Variants in DNA2 observed in about 807,000 individuals in gnomAD.
The protein encoded by DNA2 is DNA replication ATP-dependent helicase/nuclease DNA2.
DNA2 carries 101 observed loss-of-function variants against 119.1 expected under a neutral mutation model. The observed-to-expected ratio is 0.85, with a 90% CI of 0.72 to 1.00. The LOEUF (loss-of-function observed/expected upper bound fraction) is 1.00, where lower values mean the gene tolerates loss of function less well. Ranked by LOEUF, DNA2 falls within the 50% of genes least tolerant of loss-of-function variation. The pLI, the probability that DNA2 is intolerant of heterozygous loss-of-function variation, is 0.00. For synonymous variants in DNA2, 366 were observed against 424.4 expected (o/e 0.86, Z 1.69); for missense variants, 1,121 against 1,255.5 (o/e 0.89, Z 1.62).
At chr10:68,419,322 A>C (rs1438887243) in intron 18 of DNA2, 109 bp from the exon 19 acceptor site, 2 of 819,978 alleles carry the variant, frequency 2.4e-6, no homozygotes, top group Non-Finnish European at 3.6e-6. Context: ...TGTTTATAAC[A>C]AACTTTCCTA....
upstream of DNA2, chr10:68,472,022 C>A (rs763402829): frequency 1.9e-6 from 3 of 1,607,836 alleles, no homozygotes; most frequent in Non-Finnish European, 1.7e-6. Flanking sequence ...CCGCCCCTCC[C>A]GCGCCGGCGC....
At chr10:68,418,159 A>G (rs1235307609) in intron 19 of DNA2, among the ~76,000 whole-genome samples, 2 of 152,240 alleles carry the variant, frequency 1.3e-5, no homozygotes, top group African/African-American at 2.4e-5. Context: ...CACGCCTGGA[A>G]TCCCAGCACT....
intron 9 of DNA2, among the ~76,000 whole-genome samples, chr10:68,441,263 G>A (rs2051963707): frequency 6.8e-6 from 1 of 147,514 alleles, no homozygotes; most frequent in Non-Finnish European, 1.5e-5. Flanking sequence ...TATCCCAGAA[G>A]TTCGAGGCTA....
At chr10:68,417,391 C>CAAAAAAAAAAAA (rs35777569) in intron 19 of DNA2, among the ~76,000 whole-genome samples, 5 of 77,502 alleles carry the variant, frequency 6.5e-5, no homozygotes, top group East Asian at 3.8e-4. Context: ...ATAAGAAAAC[C>CAAAAAAAAAAAA]AAAAAAAAAA....
intron 6 of DNA2, among the ~76,000 whole-genome samples, chr10:68,447,052 G>A (rs541075742): frequency 2.0e-5 from 3 of 152,110 alleles, no homozygotes; most frequent in South Asian, 2.1e-4. Context: ...GATGGATACC[G>A]CATTTACTAT....
At chr10:68,460,168 G>T (rs1046749956) in intron 4 of DNA2, among the ~76,000 whole-genome samples, 2 of 151,500 alleles carry the variant, frequency 1.3e-5, no homozygotes, top group Non-Finnish European at 2.9e-5. Flanking sequence ...GTGTAGTAGC[G>T]CTATCTCGGC....
intron 9 of DNA2, among the ~76,000 whole-genome samples, chr10:68,439,917 A>T (rs1459411359): frequency 6.6e-6 from 1 of 152,002 alleles, no homozygotes; most frequent in Non-Finnish European, 1.5e-5. Context: ...AGGCAGGAGA[A>T]TCGCTTGAAC....
At chr10:68,448,421 T>TA (rs2052070297) in intron 6 of DNA2, among the ~76,000 whole-genome samples, 1 of 152,206 alleles carries the variant, frequency 6.6e-6, no homozygotes, top group South Asian at 2.1e-4. Flanking sequence ...TTAAACCTTT[T>TA]ATTATCAAAA....
chr10:68,415,118 T>C lies in DNA2; in HGVS notation c.3115-11A>G, dbSNP rs1308321591. ...TGGAAGATCAATGATGTAAAATAAA[T>C]TAAGGAAGAAATATTTAGCACAATA... On this transcript the variant is annotated splice_polypyrimidine_tract_variant and intron_variant, in intron 20 of 20. Transcript: ENST00000358410. The C allele has an allele frequency of 1.3e-6, 2 of 1,519,674 alleles. No homozygotes were observed. The highest frequency in any genetic ancestry group is 1.8e-6 in the Non-Finnish European group (2 of 1,114,664). The allele number at this position is 1,519,674 out of a possible 1,614,324, so 94.1% of individuals were successfully genotyped here. A position where few individuals can be genotyped will look rare whatever the true frequency, so the allele number is the denominator to read the frequency against.
intron 2 of DNA2, among the ~76,000 whole-genome samples, chr10:68,469,398 A>G (rs1590079175): frequency 6.6e-6 from 1 of 151,236 alleles, no homozygotes; most frequent in African/African-American, 2.4e-5. Flanking sequence ...TACAAAAAAA[A>G]AAAAAAAAAA....
chr10:68,470,380 A>G, intron 1 of DNA2: 1 of 489,736 alleles, frequency 2.0e-6, no homozygotes, highest in Non-Finnish European at 3.6e-6. Context: ...CATTTCAAAC[A>G]TGCTCATGAT....
intron 9 of DNA2, among the ~76,000 whole-genome samples, chr10:68,437,684 C>CA (rs1360346767): frequency 3.4e-4 from 49 of 143,354 alleles, no homozygotes; most frequent in African/African-American, 1.4e-3. Flanking sequence ...CAAAACAAAA[C>CA]AGACTAATAT....
intron 5 of DNA2, among the ~76,000 whole-genome samples, chr10:68,454,356 C>CAAA (rs562333641): frequency 8.6e-6 from 1 of 116,486 alleles, no homozygotes; most frequent in African/African-American, 3.0e-5. Flanking sequence ...TAATTTTAAC[C>CAAA]AAAAAAAAAA....
intron 13 of DNA2, 74 bp downstream of exon 13, chr10:68,431,788 A>G (rs977179809): frequency 2.0e-4 from 189 of 958,054 alleles, no homozygotes; most frequent in Non-Finnish European, 2.6e-4. Context: ...TTTGATATTC[A>G]ATATTACATC....
chr10:68,446,092 C>T (rs1043965571), intron 7 of DNA2, among the ~76,000 whole-genome samples: 1 of 152,098 alleles, frequency 6.6e-6, no homozygotes, highest in Non-Finnish European at 1.5e-5. Context: ...CCACTTCACT[C>T]CAGCCTGGGC....
rs1046028590 is a variant in DNA2, at chr10:68,430,431, C to T, written c.2208+5G>A. 3 of 1,561,434 alleles carry T rather than the reference C, an allele frequency of 1.9e-6. No homozygotes were observed. The highest frequency in any genetic ancestry group is 2.6e-6 in the Non-Finnish European group (3 of 1,141,360). The stretch of plus-strand genomic sequence containing the variant: ...TTAGTATTATTATACAATAATTGTG[C>T]TTACTTGACTATTGTAGAGTTCTTC... On this transcript the variant is annotated splice_donor_5th_base_variant and intron_variant, in intron 14 of 20. Transcript: ENST00000358410.
chr10:68,464,724 G>T (rs1346201702), intron 4 of DNA2, among the ~76,000 whole-genome samples: 1 of 150,850 alleles, frequency 6.6e-6, no homozygotes, highest in Non-Finnish European at 1.5e-5. Context: ...AGCTACTCGG[G>T]AGGCTGAGGC....
rs535118453 is a variant in DNA2, at chr10:68,443,820, G to A, written c.1221-709C>T. Among the ~76,000 whole-genome samples the A allele has an allele frequency of 7.2e-5, 11 of 151,928 alleles. No individual in the cohort carries two copies. In the South Asian group the frequency reaches 1.5e-3, roughly 20 times the overall value. On this transcript the variant is annotated intron_variant, in intron 8 of 20. Transcript: ENST00000358410. ...CAAAAACTTAGCCAGGTGTGGTGGCGGATGCCTGTAGTCCCAGCTACTCGA... is the reference window on the plus strand; with the variant it reads ...CAAAAACTTAGCCAGGTGTGGTGGCAGATGCCTGTAGTCCCAGCTACTCGA...
chr10:68,457,230 A>C (rs555331792), intron 5 of DNA2, among the ~76,000 whole-genome samples: 1 of 152,226 alleles, frequency 6.6e-6, no homozygotes, highest in South Asian at 2.1e-4. Flanking sequence ...ATAAGGCTCC[A>C]GGGGAACTAC....
Sources: gnomAD v4.1 joint callset for allele counts (sites outside exome capture counted in the v4.1 genomes callset) on GRCh38, gnomAD v4.1.1 for gene constraint, MANE v1.5 for transcripts, NCBI Gene and HGNC (gene_info 2026-07-23, HGNC 2026-07-21) for gene names.